The following PPP2R2C variants were observed in gnomAD, a reference collection of about 807,000 sequenced individuals.
PPP2R2C encodes protein phosphatase 2 regulatory subunit Bgamma.
Under a neutral mutation model 45.3 loss-of-function variants are expected in PPP2R2C, and 10 were observed. The observed-to-expected ratio is 0.22, with a 90% CI of 0.14 to 0.37. The LOEUF (loss-of-function observed/expected upper bound fraction) is 0.37. Among genes scored for constraint, PPP2R2C ranks in the 10% least tolerant of loss-of-function variants. The pLI, the probability that PPP2R2C is intolerant of heterozygous loss-of-function variation, is 1.00. For synonymous variants in PPP2R2C, 257 were observed against 245.4 expected, an observed-to-expected ratio of 1.05 and a Z score of -0.44; for missense variants, 308 against 619.7, an observed-to-expected ratio of 0.50 and a Z score of 5.34.
intron 2 of PPP2R2C, among the ~76,000 whole-genome samples, chr4:6,530,241 A>T (rs563876267): frequency 2.0e-5 from 3 of 152,240 alleles, no homozygotes; most frequent in South Asian, 4.2e-4. Flanking sequence ...TTGTAACTGC[A>T]TCTTGAGTTC....
rs1419459767 is a variant in PPP2R2C, at chr4:6,471,981, T to A, written c.70+179A>T. ...GGCCGGTACCCTCGGGCTCCCTCCC[T>A]CCTGGGCCCCGGGCAGGGTGGGATG... On this transcript the variant is annotated intron_variant, in intron 1 of 8. Coordinates refer to ENST00000382599, the MANE Select transcript of PPP2R2C (RefSeq NM_020416.4). The surrounding 1 kb of genome is among the most constrained non-coding windows in gnomAD (Gnocchi z 5.6). 1.1e-4 allele frequency among the ~76,000 whole-genome samples: 14 copies of A among 131,976 alleles called. No individual in the cohort carries two copies. The highest frequency in any genetic ancestry group is 1.5e-4 in the Non-Finnish European group (9 of 61,980). 86.6% of individuals were successfully genotyped at this position (131,976 alleles called of 152,430 possible).
At chr4:6,517,898 C>T (rs1028860871) in intron 2 of PPP2R2C, among the ~76,000 whole-genome samples, 3 of 152,148 alleles carry the variant, frequency 2.0e-5, no homozygotes, top group Non-Finnish European at 4.4e-5. Flanking sequence ...GATGATAAAA[C>T]TGAGGCTCAG....
At chr4:6,492,631 C>A (rs551660537) in intron 2 of PPP2R2C, among the ~76,000 whole-genome samples, 2 of 152,338 alleles carry the variant, frequency 1.3e-5, no homozygotes, top group Non-Finnish European at 2.9e-5. Context: ...TCTCAGTAGA[C>A]TGGAGCCCTC....
intron 1 of PPP2R2C, among the ~76,000 whole-genome samples, chr4:6,468,432 C>T (rs1329194584): frequency 2.0e-5 from 3 of 152,208 alleles, no homozygotes; most frequent in East Asian, 3.9e-4. Context: ...GTTAGGAAAA[C>T]ATGGGTACAT....
chr4:6,452,952 C>T (rs893148761), intron 1 of PPP2R2C, among the ~76,000 whole-genome samples: 1 of 152,224 alleles, frequency 6.6e-6, no homozygotes, highest in Non-Finnish European at 1.5e-5. Flanking sequence ...CAGCTCCCCA[C>T]GGCCACACTG....
chr4:6,422,321 G>C (rs1719028581), intron 1 of PPP2R2C, among the ~76,000 whole-genome samples: 1 of 152,250 alleles, frequency 6.6e-6, no homozygotes, highest in Non-Finnish European at 1.5e-5. Flanking sequence ...TAGTGGACCA[G>C]GGTTCAACTA....
intron 1 of PPP2R2C, among the ~76,000 whole-genome samples, chr4:6,446,525 G>A (rs1315343813): frequency 6.6e-6 from 1 of 152,100 alleles, no homozygotes; most frequent in Non-Finnish European, 1.5e-5. Flanking sequence ...TCTTCTCAAG[G>A]TGGCATAAAA....
At chr4:6,373,023 C>T (rs1028724651) in intron 4 of PPP2R2C, among the ~76,000 whole-genome samples, 1 of 152,262 alleles carries the variant, frequency 6.6e-6, no homozygotes, top group Admixed American at 6.5e-5. Context: ...CTCCTCACCT[C>T]CTCCTGCAAT....
At chr4:6,355,993 GAAAAAAA>G (rs61011461) in intron 5 of PPP2R2C, among the ~76,000 whole-genome samples, 1,502 of 97,890 alleles carry the variant, frequency 0.015, 23 homozygotes, top group Middle Eastern at 0.095. Flanking sequence ...ACTCTGCCTG[GAAAAAAA>G]AAAAAAAAAA....
At chr4:6,495,167 C>T (rs1722836831) in intron 2 of PPP2R2C, among the ~76,000 whole-genome samples, 1 of 152,254 alleles carries the variant, frequency 6.6e-6, no homozygotes, top group African/African-American at 2.4e-5. Flanking sequence ...AGGCTGAGAG[C>T]CACAGTGTGG....
At chr4:6,448,677 G>T (rs1375199813) in intron 1 of PPP2R2C, among the ~76,000 whole-genome samples, 3 of 152,108 alleles carry the variant, frequency 2.0e-5, no homozygotes, top group African/African-American at 7.2e-5. Context: ...TGACTACCCA[G>T]GGAGGTGAGG....
rs534721935 is a variant in PPP2R2C, at chr4:6,349,834, T to C, written c.626-1824A>G. On this transcript the variant is annotated intron_variant, in intron 5 of 8. Transcript: ENST00000382599. ...TGAACCTGGGAGGTGGATGTTGCAG[T>C]TAGCCGAGATCGCACCATTATATTC... 90 of 947,798 alleles carry C rather than the reference T, an allele frequency of 9.5e-5. No individual in the cohort carries two copies. In the African/African-American group the frequency reaches 1.5e-3, roughly 16 times the overall value. The allele number at this position is 947,798 out of a possible 1,614,324, so 58.7% of individuals were successfully genotyped here.
chr4:6,511,442 C>CAGTGAT (rs1560593583), intron 2 of PPP2R2C, among the ~76,000 whole-genome samples: 4 of 51,592 alleles, frequency 7.8e-5, no homozygotes, highest in African/African-American at 1.6e-4. Context: ...GTGGTGGTGA[C>CAGTGAT]GGTGGTGGTG....
intron 6 of PPP2R2C, among the ~76,000 whole-genome samples, chr4:6,344,206 C>T (rs1407931216): frequency 6.6e-6 from 1 of 152,258 alleles, no homozygotes; most frequent in Non-Finnish European, 1.5e-5. Flanking sequence ...TCAGTGCAAT[C>T]CGGAGAGGAG....
At chr4:6,498,749 AG>A (rs1385828350) in intron 2 of PPP2R2C, among the ~76,000 whole-genome samples, 2 of 152,128 alleles carry the variant, frequency 1.3e-5, no homozygotes, top group African/African-American at 2.4e-5. Context: ...GGGCTGTGCT[AG>A]GGCCTGCACG....
intron 2 of PPP2R2C, chr4:6,535,244 G>T: frequency 6.5e-7 from 1 of 1,535,032 alleles, no homozygotes; most frequent in Non-Finnish European, 8.7e-7. Flanking sequence ...CGGCGCTGCT[G>T]CCCGGCTGTG....
intron 5 of PPP2R2C, among the ~76,000 whole-genome samples, chr4:6,360,131 A>G (rs1487851024): frequency 1.3e-5 from 2 of 152,186 alleles, no homozygotes; most frequent in African/African-American, 4.8e-5. Context: ...GCAGGCAGGA[A>G]CTGCCCATGT....
chr4:6,360,134 G>T lies in PPP2R2C; in HGVS notation c.626-12124C>A, dbSNP rs143907705. On this transcript the variant is annotated intron_variant, in intron 5 of 8. Transcript: ENST00000382599. ...TAGTCCACCCCTGCAGGCAGGAACT[G>T]CCCATGTGCCAACCCCACCCAGGAG... is the stretch of plus-strand genomic sequence containing the variant. Among the ~76,000 whole-genome samples the T allele has an allele frequency of 8.3e-3, 1,265 of 152,300 alleles. 13 individuals are homozygous for T. The highest frequency in any genetic ancestry group is 0.013 in the Non-Finnish European group (859 of 68,030).
intron 1 of PPP2R2C, among the ~76,000 whole-genome samples, chr4:6,404,705 G>T (rs145354833): frequency 6.6e-6 from 1 of 152,190 alleles, no homozygotes. Flanking sequence ...GTTCTAAGGA[G>T]GCAGGTGCCC....
Sources: allele counts gnomAD v4.1 joint callset (sites outside exome capture counted in the v4.1 genomes callset), GRCh38; gene constraint gnomAD v4.1.1; non-coding constraint Gnocchi (gnomAD v3.1); transcripts MANE v1.5; gene names NCBI Gene and HGNC (gene_info 2026-07-23, HGNC 2026-07-21).